The following CEP350 variants were observed in gnomAD, a reference collection of about 807,000 sequenced individuals.
CEP350 encodes centrosome-associated protein 350.
In CEP350, 126 loss-of-function variants were observed where a neutral mutation model predicts 331.8. That is an observed-to-expected ratio of 0.38 (90% CI 0.33 to 0.44). CEP350 has a LOEUF of 0.44. Ranked by LOEUF, CEP350 falls within the 20% of genes least tolerant of loss-of-function variation. The probability of loss-of-function intolerance (pLI) is 1.00; values close to 1 mark genes in which losing one functional copy is unlikely to be tolerated. For synonymous variants in CEP350, 1,200 were observed against 1,259.5 expected (o/e 0.95, Z 1.00); for missense variants, 3,406 against 3,634.6 (o/e 0.94, Z 1.62).
chr1:180,000,994 A>C (rs1319957778), intron 6 of CEP350, among the ~76,000 whole-genome samples: 1 of 152,234 alleles, frequency 6.6e-6, no homozygotes, highest in Non-Finnish European at 1.5e-5. Context: ...TAATAACTGA[A>C]TAGATTATTT....
At chr1:180,055,195 G>A (rs1422648833) in intron 25 of CEP350, among the ~76,000 whole-genome samples, 2 of 152,124 alleles carry the variant, frequency 1.3e-5, no homozygotes, top group Non-Finnish European at 2.9e-5. Context: ...AATATTAGTT[G>A]CTATTATTTG....
chr1:180,095,548 G>C lies in CEP350; in HGVS notation c.8537G>C (p.Gly2846Ala). ...GAGAGCCCAGTATTTGGTGCCAGTG[G>C]GCAGGAAGAACTTGCTAAGAGACTT... ...RPESPVFGAS[G>A]QEELAKRLAE... is the part of the protein sequence containing the mutation. Residue 2846 changes from glycine (G) to alanine (A), a missense_variant, in exon 35 of 38, where the codon GGG (glycine) becomes GCG (alanine). Transcript: ENST00000367607. 6.2e-7 allele frequency: 1 copy of C among 1,613,794 alleles called. No homozygotes were observed.
intron 15 of CEP350, among the ~76,000 whole-genome samples, chr1:180,032,903 T>C (rs1235469482): frequency 6.6e-6 from 1 of 152,106 alleles, no homozygotes; most frequent in Admixed American, 6.6e-5. Context: ...TGAAATAGAC[T>C]GTTAGAAATA....
chr1:180,015,054 GATC>G (rs1316979977), intron 10 of CEP350, among the ~76,000 whole-genome samples: 1 of 152,048 alleles, frequency 6.6e-6, no homozygotes, highest in Non-Finnish European at 1.5e-5. Flanking sequence ...AGTGGAAGTG[GATC>G]ATCAAGGTCT....
intron 36 of CEP350, among the ~76,000 whole-genome samples, chr1:180,098,092 T>C (rs1181512246): frequency 2.0e-5 from 3 of 152,166 alleles, no homozygotes; most frequent in African/African-American, 4.8e-5. Flanking sequence ...TGCCTCAGCC[T>C]CCTGAGTAGC....
At chr1:180,023,296 T>C (rs796650246) in intron 13 of CEP350, among the ~76,000 whole-genome samples, 23 of 152,130 alleles carry the variant, frequency 1.5e-4, no homozygotes, top group African/African-American at 5.5e-4. Flanking sequence ...AAAAAATCAC[T>C]TACTTAGAAC....
chr1:180,012,421 A>G (rs1173072323), intron 9 of CEP350, among the ~76,000 whole-genome samples: 2 of 152,174 alleles, frequency 1.3e-5, no homozygotes, highest in African/African-American at 2.4e-5. Flanking sequence ...AACACGGACA[A>G]ACATTCACAA....
At chr1:180,027,365 A>C (rs1266101587) in intron 14 of CEP350, among the ~76,000 whole-genome samples, 1 of 152,080 alleles carries the variant, frequency 6.6e-6, no homozygotes, top group Non-Finnish European at 1.5e-5. Context: ...ACAGAATACT[A>C]TTCTGTTTTG....
At chr1:180,104,115 T>G (rs191056028) in intron 37 of CEP350, among the ~76,000 whole-genome samples, 14 of 149,394 alleles carry the variant, frequency 9.4e-5, no homozygotes, top group African/African-American at 2.9e-4. Context: ...TTATATTTTA[T>G]CTAATACATC....
chr1:180,005,442 ATATACT>A (rs1558093669), intron 7 of CEP350, among the ~76,000 whole-genome samples: 1 of 151,826 alleles, frequency 6.6e-6, no homozygotes, highest in African/African-American at 2.4e-5. Flanking sequence ...ATTGTCTGAA[ATATACT>A]TAGAATATAA....
intron 31 of CEP350, among the ~76,000 whole-genome samples, chr1:180,086,536 TATGC>T (rs939102533): frequency 4.8e-5 from 2 of 41,600 alleles, no homozygotes; most frequent in African/African-American, 6.7e-5. Context: ...GTATATGAGA[TATGC>T]ATATATATAT....
chr1:180,011,795 A>C (rs1654677192), intron 8 of CEP350, 134 bp from the exon 9 acceptor site: 3 of 607,312 alleles, frequency 4.9e-6, no homozygotes, highest in Non-Finnish European at 8.3e-6. Flanking sequence ...AGGGTTTAAA[A>C]ATATCATTAT....
Position 179,992,137 on chromosome 1 carries a change from G to T in CEP350, c.311G>T (p.Arg104Leu), listed in dbSNP as rs868169255. The change falls in exon 5 of 38, where the codon CGT becomes CTT. Residue 104 changes from arginine to leucine, a missense_variant. Physicochemically the swap from Arg to Leu is moderately radical, Grantham distance 102. Coordinates refer to ENST00000367607, the MANE Select transcript of CEP350 (RefSeq NM_014810.5). ...KSTKSRKEKS[R>L]SPLRATTLES... ...ACTAAATCACGAAAAGAGAAATCTC[G>T]TAGTCCTCTCAGGGCCACCACCCTG... 1 of 1,547,002 alleles carries T rather than the reference G, an allele frequency of 6.5e-7. No homozygotes were observed. The highest frequency in any genetic ancestry group is 1.2e-5 in the South Asian group (1 of 80,772).
chr1:180,012,150 C>A, intron 9 of CEP350, 75 bp downstream of exon 9: 1 of 1,312,290 alleles, frequency 7.6e-7, no homozygotes, highest in South Asian at 1.4e-5. Context: ...GGAAAAAGTA[C>A]TCTTAAGAAT....
intron 1 of CEP350, among the ~76,000 whole-genome samples, chr1:179,960,363 A>G (rs1650510682): frequency 6.6e-6 from 1 of 152,116 alleles, no homozygotes. Flanking sequence ...GGGAAATCAA[A>G]ATTTTTTTCT....
chr1:180,109,670 C>T (rs1661370264), intron 37 of CEP350, among the ~76,000 whole-genome samples: 1 of 152,120 alleles, frequency 6.6e-6, no homozygotes, highest in Admixed American at 6.6e-5. Context: ...GAGTTTCACT[C>T]TGTCGCCCAG....
chr1:179,988,105 C>A (rs2148672852), intron 3 of CEP350, among the ~76,000 whole-genome samples: 1 of 152,072 alleles, frequency 6.6e-6, no homozygotes. Context: ...CAAGACCAGC[C>A]TGTAAAACAT....
chr1:179,979,537 C>G lies in CEP350; in HGVS notation c.-13-6632C>G, dbSNP rs1385353438. ...GATTGTTTCCCTTGCTGTGCAGAAG[C>G]TTTTTAGGTTGATATAATGCCATTT... On this transcript the variant is annotated intron_variant, in intron 1 of 37. Transcript: ENST00000367607. Among the ~76,000 whole-genome samples the G allele has an allele frequency of 2.0e-5, 3 of 151,736 alleles. No homozygotes were observed. The East Asian group carries it at 5.8e-4, about 29-fold the overall frequency.
intron 1 of CEP350, among the ~76,000 whole-genome samples, chr1:179,967,324 C>T (rs2148570637): frequency 6.6e-6 from 1 of 152,142 alleles, no homozygotes. Flanking sequence ...GAAGTTGTTT[C>T]TGGAATTGTG....
Sources: gnomAD v4.1 joint callset for allele counts (sites outside exome capture counted in the v4.1 genomes callset) on GRCh38, gnomAD v4.1.1 for gene constraint, MANE v1.5 for transcripts, NCBI Gene and HGNC (gene_info 2026-07-23, HGNC 2026-07-21) for gene names.